IDE: variants seen among roughly 807,000 people sequenced by gnomAD.
IDE encodes insulin degrading enzyme, also known as insulin-degrading enzyme.
A neutral mutation model predicts 133.2 loss-of-function variants in IDE; 58 were observed. The observed-to-expected ratio is 0.44, with a 90% confidence interval of 0.35 to 0.54. The LOEUF (loss-of-function observed/expected upper bound fraction) is 0.54. Ranked by LOEUF, IDE falls within the 20% of genes least tolerant of loss-of-function variation. IDE has a pLI of 0.00. For synonymous variants in IDE, 396 were observed against 421.3 expected, an observed-to-expected ratio of 0.94 and a Z score of 0.73; for missense variants, 981 against 1,234.0, an observed-to-expected ratio of 0.79 and a Z score of 3.07.
intron 10 of IDE, 101 bp from the exon 11 acceptor site, chr10:92,504,998 T>A (rs1848220135): frequency 1.7e-6 from 1 of 586,312 alleles, no homozygotes; most frequent in African/African-American, 2.0e-5. Context: ...GTACACCCTT[T>A]CTCTCTTCAG....
At chr10:92,513,576 G>T (rs1242758947) in intron 5 of IDE, among the ~76,000 whole-genome samples, 1 of 151,716 alleles carries the variant, frequency 6.6e-6, no homozygotes, top group African/African-American at 2.4e-5. Context: ...TATAGCACAT[G>T]TTTTTGTAAA....
rs182291227 is a variant in IDE, at chr10:92,464,529, C to T, written c.2489-526G>A. On this transcript the variant is annotated intron_variant, in intron 20 of 24. Transcript: ENST00000265986. ...TTCCATGTTATCTCATGAGGACATG[C>T]ACTACCTTCCTTCAACACCTTTTCA... Among the ~76,000 whole-genome samples, 434 of 152,336 alleles carry T rather than the reference C, an allele frequency of 2.8e-3. 2 individuals carry two copies. The highest frequency in any genetic ancestry group is 5.1e-3 in the Non-Finnish European group (348 of 68,034).
intron 14 of IDE, among the ~76,000 whole-genome samples, chr10:92,480,251 A>AG: frequency 6.6e-6 from 1 of 152,230 alleles, no homozygotes; most frequent in Non-Finnish European, 1.5e-5. Flanking sequence ...TTTTATCAGA[A>AG]GAAAGTAAAG....
chr10:92,530,588 G>A (rs1849869555), intron 4 of IDE, among the ~76,000 whole-genome samples: 1 of 152,132 alleles, frequency 6.6e-6, no homozygotes, highest in Non-Finnish European at 1.5e-5. Flanking sequence ...TGCCTGGCCT[G>A]ATATTTGTTT....
At chr10:92,509,162 C>T (rs1238324195) in intron 6 of IDE, among the ~76,000 whole-genome samples, 1 of 152,206 alleles carries the variant, frequency 6.6e-6, no homozygotes, top group East Asian at 1.9e-4. Flanking sequence ...TACAGGTTAA[C>T]AGCTTCAACA....
At chr10:92,507,146 T>C (rs1848334461) in intron 9 of IDE, among the ~76,000 whole-genome samples, 1 of 151,958 alleles carries the variant, frequency 6.6e-6, no homozygotes, top group African/African-American at 2.4e-5. Context: ...CATACAATAA[T>C]AAAATCACTT....
At chr10:92,465,995 A>ACTT in intron 19 of IDE, 152 bp from the exon 20 acceptor site, 1 of 685,956 alleles carries the variant, frequency 1.5e-6, no homozygotes, top group African/African-American at 1.8e-5. Context: ...CATTGATTTC[A>ACTT]CTTTTCTGAT....
At position 92,544,358 on chromosome 10, in the gene IDE, G is replaced by A. The variant is rs140997249; in HGVS notation, c.99-6808C>T. On this transcript the variant is annotated intron_variant, in intron 1 of 24. Coordinates refer to ENST00000265986, the MANE Select transcript of IDE (RefSeq NM_004969.4). ...AATCCTTCCATTCTCCTTAAGTGGT[G>A]GGTCGTAACAGCTGTTCGCAGTCAT... 4.6e-5 allele frequency among the ~76,000 whole-genome samples: 7 copies of A among 152,260 alleles called. No individual in the cohort carries two copies. In the East Asian group the frequency reaches 1.3e-3, roughly 29 times the overall value.
chr10:92,541,206 CA>C, intron 1 of IDE: 1 of 300,166 alleles, frequency 3.3e-6, no homozygotes, highest in Non-Finnish European at 7.2e-6. Context: ...CATTTTCAAA[CA>C]AAACCTATTC....
chr10:92,507,443 T>C (rs1454961768), intron 9 of IDE, 132 bp downstream of exon 9: 2 of 656,898 alleles, frequency 3.0e-6, no homozygotes, highest in Admixed American at 2.5e-5. Flanking sequence ...CTATTATACA[T>C]TGCAAAATTT....
At chr10:92,496,670 C>T (rs1254788266) in intron 11 of IDE, among the ~76,000 whole-genome samples, 3 of 152,194 alleles carry the variant, frequency 2.0e-5, no homozygotes, top group Non-Finnish European at 4.4e-5. Flanking sequence ...CCTGTAATGC[C>T]AGCCACTCGG....
chr10:92,525,767 A>C (rs907670171), intron 4 of IDE, among the ~76,000 whole-genome samples: 2 of 151,522 alleles, frequency 1.3e-5, no homozygotes, highest in African/African-American at 2.4e-5. Context: ...AAAAAAAAAA[A>C]AAACCAAGAA....
intron 11 of IDE, chr10:92,497,792 GGA>G: frequency 1.6e-6 from 1 of 624,042 alleles, no homozygotes; most frequent in Non-Finnish European, 2.0e-6. Context: ...ATCCTGTAGA[GGA>G]AAAGTGCTTT....
chr10:92,487,128 C>A (rs572001832), intron 13 of IDE, 68 bp downstream of exon 13: 1 of 1,466,962 alleles, frequency 6.8e-7, no homozygotes, highest in South Asian at 1.3e-5. Context: ...TGTAAGAAAT[C>A]ATTTACCCAG....
intron 1 of IDE, among the ~76,000 whole-genome samples, chr10:92,553,372 C>T (rs1030455697): frequency 1.3e-5 from 2 of 149,226 alleles, no homozygotes; most frequent in African/African-American, 2.5e-5. Context: ...TGCAGTGAGC[C>T]AAGACTATGC....
chr10:92,565,930 C>T (rs543246913), intron 1 of IDE, among the ~76,000 whole-genome samples: 3 of 152,090 alleles, frequency 2.0e-5, no homozygotes, highest in African/African-American at 7.2e-5. Flanking sequence ...ATTCATATCT[C>T]GCTAAGCCAC....
At chr10:92,525,940 C>T (rs537577543) in intron 4 of IDE, among the ~76,000 whole-genome samples, 3 of 151,910 alleles carry the variant, frequency 2.0e-5, no homozygotes, top group East Asian at 1.9e-4. Context: ...GCAGATCACT[C>T]GAGCTCAGGA....
chr10:92,463,473 T>C (rs1845504139), intron 21 of IDE, among the ~76,000 whole-genome samples: 2 of 152,120 alleles, frequency 1.3e-5, no homozygotes, highest in Non-Finnish European at 2.9e-5. Flanking sequence ...AAATGTGAAA[T>C]TGAATTATTA....
intron 12 of IDE, among the ~76,000 whole-genome samples, chr10:92,488,519 T>C (rs1162068761): frequency 6.6e-6 from 1 of 152,156 alleles, no homozygotes; most frequent in African/African-American, 2.4e-5. Flanking sequence ...GGCTCACGCC[T>C]GTAATCCCAG....
Sources: allele counts gnomAD v4.1 joint callset (sites outside exome capture counted in the v4.1 genomes callset), GRCh38; gene constraint gnomAD v4.1.1; transcripts MANE v1.5; gene names NCBI Gene and HGNC (gene_info 2026-07-23, HGNC 2026-07-21).